The following EPB41L4A variants were observed in gnomAD, a reference collection of about 807,000 sequenced individuals.
EPB41L4A encodes the protein band 4.1-like protein 4A.
In EPB41L4A, 100 loss-of-function variants were observed where a neutral mutation model predicts 108.6. The ratio of observed to expected loss-of-function variants is 0.92; its 90% CI spans 0.78 to 1.09. The LOEUF (loss-of-function observed/expected upper bound fraction) is 1.09, where lower values mean the gene tolerates loss of function less well. Among genes scored for constraint, EPB41L4A ranks in the 50% least tolerant of loss-of-function variants. The pLI is 0.00. For synonymous variants in EPB41L4A, 319 were observed against 289.0 expected (o/e 1.10, Z -1.05); for missense variants, 1,030 against 842.7 (o/e 1.22, Z -2.75).
At chr5:112,287,846 A>C (rs957267048) in intron 2 of EPB41L4A, among the ~76,000 whole-genome samples, 2 of 152,216 alleles carry the variant, frequency 1.3e-5, no homozygotes, top group African/African-American at 4.8e-5. Flanking sequence ...GATTCAGATA[A>C]GGAGGTTTCC....
chr5:112,399,598 C>A (rs146583561), intron 1 of EPB41L4A, among the ~76,000 whole-genome samples: 268 of 152,322 alleles, frequency 1.8e-3, no homozygotes, highest in African/African-American at 6.3e-3. Context: ...CCACACATAA[C>A]ACTTTCTCAG....
chr5:112,385,315 T>A (rs1205079598), intron 1 of EPB41L4A, among the ~76,000 whole-genome samples: 2 of 151,882 alleles, frequency 1.3e-5, no homozygotes, highest in African/African-American at 4.8e-5. Context: ...AAAAGTCCAA[T>A]AAAAGGCATA....
intron 12 of EPB41L4A, among the ~76,000 whole-genome samples, chr5:112,227,986 C>G (rs1748590829): frequency 6.6e-6 from 1 of 152,172 alleles, no homozygotes; most frequent in South Asian, 2.1e-4. Flanking sequence ...CTACTAACTA[C>G]AAAGTGCTCA....
intron 1 of EPB41L4A, among the ~76,000 whole-genome samples, chr5:112,416,706 T>A (rs1196599748): frequency 1.3e-5 from 2 of 152,198 alleles, no homozygotes; most frequent in African/African-American, 4.8e-5. Flanking sequence ...TTTAAGTAAT[T>A]AATGCAACAC....
At chr5:112,194,299 T>A (rs1212802446) in intron 17 of EPB41L4A, among the ~76,000 whole-genome samples, 2 of 151,942 alleles carry the variant, frequency 1.3e-5, no homozygotes, top group Non-Finnish European at 2.9e-5. Flanking sequence ...CACTACACAT[T>A]GTAGCTATAT....
At chr5:112,394,246 C>G (rs112797911) in intron 1 of EPB41L4A, among the ~76,000 whole-genome samples, 7,435 of 152,216 alleles carry the variant, frequency 0.049, 251 homozygotes, top group Middle Eastern at 0.11. Context: ...CCAGTGCAAT[C>G]AGGCAGGAGA....
At chr5:112,340,937 T>G (rs1278884537) in intron 1 of EPB41L4A, among the ~76,000 whole-genome samples, 1 of 152,186 alleles carries the variant, frequency 6.6e-6, no homozygotes, top group African/African-American at 2.4e-5. Context: ...GGGATTTTTC[T>G]TTCCCTCTAT....
intron 9 of EPB41L4A, among the ~76,000 whole-genome samples, chr5:112,258,714 T>C (rs976587131): frequency 7.2e-5 from 11 of 152,312 alleles, no homozygotes; most frequent in Middle Eastern, 3.4e-3. Context: ...CCAGAGGACA[T>C]TGCCAAGTTG....
At chr5:112,215,271 G>C (rs959541113) in intron 12 of EPB41L4A, among the ~76,000 whole-genome samples, 1 of 152,224 alleles carries the variant, frequency 6.6e-6, no homozygotes, top group East Asian at 1.9e-4. Flanking sequence ...TTAAAAGGCA[G>C]TCTTCTGCAG....
At chr5:112,210,547 C>A (rs538760442) in intron 12 of EPB41L4A, among the ~76,000 whole-genome samples, 3 of 152,190 alleles carry the variant, frequency 2.0e-5, no homozygotes, top group Admixed American at 2.0e-4. Flanking sequence ...AAATCTGAAA[C>A]TGAATTTTTA....
chr5:112,276,706 T>C (rs1752650283), intron 3 of EPB41L4A, among the ~76,000 whole-genome samples: 1 of 152,154 alleles, frequency 6.6e-6, no homozygotes, highest in South Asian at 2.1e-4. Context: ...ATTTAGAAAC[T>C]GGGGAAAAGA....
chr5:112,234,271 T>TCTCA (rs975642923), intron 12 of EPB41L4A, among the ~76,000 whole-genome samples: 5 of 151,492 alleles, frequency 3.3e-5, no homozygotes, highest in African/African-American at 1.2e-4. Flanking sequence ...GTGCCTATAG[T>TCTCA]CTCAGCTACC....
chr5:112,242,127 A>T (rs1387212571), intron 9 of EPB41L4A, among the ~76,000 whole-genome samples: 2 of 152,130 alleles, frequency 1.3e-5, no homozygotes, highest in East Asian at 3.9e-4. Context: ...TGAGACAACA[A>T]TGAAGCTTTC....
chr5:112,294,785 T>C (rs190582552), intron 2 of EPB41L4A, among the ~76,000 whole-genome samples: 1 of 151,804 alleles, frequency 6.6e-6, no homozygotes, highest in East Asian at 2.0e-4. Context: ...TGAAAAGTCA[T>C]GTTGCAAGAA....
At chr5:112,219,194 C>A (rs1339128584) in intron 12 of EPB41L4A, among the ~76,000 whole-genome samples, 1 of 152,184 alleles carries the variant, frequency 6.6e-6, no homozygotes, top group Admixed American at 6.5e-5. Context: ...TTGTAATCCC[C>A]ATAATCCCCA....
chr5:112,168,219 A>AGT (rs2150196536), intron 22 of EPB41L4A, among the ~76,000 whole-genome samples: 1 of 152,328 alleles, frequency 6.6e-6, no homozygotes, highest in Non-Finnish European at 1.5e-5. Flanking sequence ...AATTCAGCTA[A>AGT]GTGTTAAAGT....
At chr5:112,300,935 C>T (rs6594585) in intron 2 of EPB41L4A, among the ~76,000 whole-genome samples, 53,107 of 151,776 alleles carry the variant, frequency 0.35, 10,765 homozygotes, top group African/African-American at 0.57. Flanking sequence ...TCGAGTCTTA[C>T]TGCTGAGAAT....
At chr5:112,287,545 T>A (rs1352635770) in intron 2 of EPB41L4A, among the ~76,000 whole-genome samples, 1 of 152,234 alleles carries the variant, frequency 6.6e-6, no homozygotes, top group African/African-American at 2.4e-5. Flanking sequence ...TCAACACGGA[T>A]CAAATCAGTT....
chr5:112,172,707 ATGGTTCAGCTGTGAC>A (rs1760652619), intron 18 of EPB41L4A, among the ~76,000 whole-genome samples: 1 of 152,174 alleles, frequency 6.6e-6, no homozygotes, highest in Non-Finnish European at 1.5e-5. Flanking sequence ...TGACAGAATG[ATGGTTCAGCTGTGAC>A]TATACCCCAG....
Sources: allele counts gnomAD v4.1 joint callset (sites outside exome capture counted in the v4.1 genomes callset), GRCh38; gene constraint gnomAD v4.1.1; transcripts MANE v1.5; gene names NCBI Gene and HGNC (gene_info 2026-07-23, HGNC 2026-07-21).